The following NRROS variants were observed in gnomAD, a reference collection of about 807,000 sequenced individuals.
The protein encoded by NRROS is negative regulator of reactive oxygen species.
NRROS carries 6 observed loss-of-function variants against 12.0 expected under a neutral mutation model. That is an observed-to-expected ratio of 0.50 (90% CI 0.27 to 0.98). The LOEUF (loss-of-function observed/expected upper bound fraction) is 0.98. Among genes scored for constraint, NRROS ranks in the 50% least tolerant of loss-of-function variants. NRROS has a pLI of 0.11. For missense variants in NRROS, 857 were observed against 888.2 expected (o/e 0.96, Z 0.45); for synonymous variants, 462 against 410.2 (o/e 1.13, Z -1.53).
chr3:196,659,842 A>G lies in NRROS; in HGVS notation c.199A>G (p.Asn67Asp). The G allele has an allele frequency of 6.2e-7, 1 of 1,613,998 alleles. No homozygotes were observed. The highest frequency in any genetic ancestry group is 8.5e-7 in the Non-Finnish European group (1 of 1,179,948). ...CGCCCGGATGCTCACCCTGGATGCC[A>G]ACCCTCTCAAGACCCTGTGGAATCA... ...PHARMLTLDANPLKTLWNHSL... is the reference protein window; with the variant it reads ...PHARMLTLDADPLKTLWNHSL... The change falls in exon 3 of 3, where the codon AAC becomes GAC. Residue 67 changes from asparagine (N) to aspartate (D), a missense_variant. Asn to Asp is a conservative substitution (Grantham distance 23). Coordinates refer to ENST00000328557, the MANE Select transcript of NRROS (RefSeq NM_198565.3).
intron 2 of NRROS, among the ~76,000 whole-genome samples, chr3:196,657,307 T>G (rs1375567419): frequency 6.6e-6 from 1 of 151,038 alleles, no homozygotes; most frequent in Non-Finnish European, 1.5e-5. Flanking sequence ...ATTGCAGAGG[T>G]GTGACCCACG....
In NRROS at chr3:196,661,933, G is replaced by A; in HGVS notation, c.*211G>A. 2.7e-6 allele frequency: 1 copy of A among 375,528 alleles called. No homozygotes were observed. Among genetic ancestry groups the A allele is most frequent in the Non-Finnish European group, 4.4e-6 (1 of 226,448 alleles). The allele number at this position is 375,528 out of a possible 1,614,324, so 23.3% of individuals were successfully genotyped here. On this transcript the variant is annotated 3_prime_UTR_variant, in exon 3 of 3. Transcript: ENST00000328557. ...CATTATAATTCATCCTCATTATCTT[G>A]GTAAAATATTTATTAAGTGACTTTT...
intron 1 of NRROS, among the ~76,000 whole-genome samples, chr3:196,650,606 A>G (rs143879771): frequency 3.2e-4 from 48 of 152,366 alleles, no homozygotes; most frequent in African/African-American, 1.1e-3. Context: ...TCTAAAACAA[A>G]GGAGACTCTT....
Position 196,661,485 on chromosome 3 carries a change from C to T in NRROS, c.1842C>T (p.Ala614=), listed in dbSNP as rs145748911. The T allele has an allele frequency of 4.7e-5, 75 of 1,606,850 alleles. No individual in the cohort carries two copies. In the African/African-American group the frequency reaches 7.6e-4, roughly 16 times the overall value. The change falls in exon 3 of 3, where the codon GCC becomes GCT. Residue 614 remains alanine, a synonymous_variant. Coordinates refer to ENST00000328557, the MANE Select transcript of NRROS (RefSeq NM_198565.3). ...CCCTGCAGCATGGGCAGACGGTGGC[C>T]GACTGGGCCATGGTCACCTGCAACC... The part of the protein sequence containing the change: ...WGALQHGQTV[A]DWAMVTCNLS...
chr3:196,653,105 C>T (rs973946955), intron 1 of NRROS, among the ~76,000 whole-genome samples: 3 of 152,116 alleles, frequency 2.0e-5, no homozygotes, highest in Admixed American at 6.6e-5. Flanking sequence ...GTCAGGAACC[C>T]GTACACCTCT....
At position 196,654,461 on chromosome 3, in the gene NRROS, G is replaced by A. The variant is rs1042476507; in HGVS notation, c.-13-66G>A. 14 of 945,706 alleles carry A rather than the reference G, an allele frequency of 1.5e-5. No individual in the cohort carries two copies. Among genetic ancestry groups the A allele is most frequent in the African/African-American group, 1.6e-5 (1 of 62,288 alleles). 58.6% of individuals were successfully genotyped at this position (945,706 alleles called of 1,614,324 possible). On this transcript the variant is annotated intron_variant, in intron 1 of 2. Coordinates refer to ENST00000328557, the MANE Select transcript of NRROS (RefSeq NM_198565.3). The surrounding 1 kb of genome is among the most constrained non-coding windows in gnomAD (Gnocchi z 4.4). ...AGAATTGGAACTGGCTCCTTCTGCC[G>A]ATAATACAAACAGCCCTCTGGGATG...
Position 196,643,359 on chromosome 3 carries a change from T to A in NRROS, c.-14+3484T>A, listed in dbSNP as rs139041401. On this transcript the variant is annotated intron_variant, in intron 1 of 2. Coordinates refer to ENST00000328557, the MANE Select transcript of NRROS (RefSeq NM_198565.3). ...GAAAGGAGGAAGTGGAACCTCGTCA[T>A]GGTCCTCACCCACGAGGTGGGCGCG... Among the ~76,000 whole-genome samples, 5 of 152,288 alleles carry A rather than the reference T, an allele frequency of 3.3e-5. No homozygotes were observed. In the South Asian group the frequency reaches 6.2e-4, roughly 19 times the overall value.
chr3:196,654,417 C>G lies in NRROS; in HGVS notation c.-13-110C>G, dbSNP rs563622863. On this transcript the variant is annotated intron_variant, in intron 1 of 2. Transcript: ENST00000328557. The surrounding 1 kb of genome is among the most constrained non-coding windows in gnomAD (Gnocchi z 4.4). The stretch of plus-strand genomic sequence containing the variant: ...TGGGCTGCACCTCTATGGAGCTCCA[C>G]AGAGCTCCAAGACCACATAGAATTG... 71 of 739,294 alleles carry G rather than the reference C, an allele frequency of 9.6e-5. 2 individuals carry two copies. In the South Asian group the frequency reaches 1.0e-3, roughly 11 times the overall value. The allele number at this position is 739,294 out of a possible 1,614,324, so 45.8% of individuals were successfully genotyped here. A position where few individuals can be genotyped will look rare whatever the true frequency, so the allele number is the denominator to read the frequency against.
At position 196,648,115 on chromosome 3, in the gene NRROS, T is replaced by C. The variant is rs147465788; in HGVS notation, c.-13-6412T>C. Among the ~76,000 whole-genome samples the C allele has an allele frequency of 3.1e-3, 469 of 152,342 alleles. 18 individuals carry two copies. The East Asian group carries it at 0.069, about 22-fold the overall frequency. ...TATGGGGACAGAGATTACCATAATT[T>C]AACATCTCTTTTCAGGAACACTTAT... On this transcript the variant is annotated intron_variant, in intron 1 of 2. Coordinates refer to ENST00000328557, the MANE Select transcript of NRROS (RefSeq NM_198565.3).
In NRROS at chr3:196,661,392, G is replaced by C. The variant is rs560844051; in HGVS notation, c.1749G>C (p.Ser583=). ...AGAAGGCTGTGTCTGAGCAGCTCTCGAGAGGTCTGCGGACCATCTACCTCA... is the reference window on the plus strand; with the variant it reads ...AGAAGGCTGTGTCTGAGCAGCTCTCCAGAGGTCTGCGGACCATCTACCTCA... ...LPQKAVSEQL[S]RGLRTIYLSQ... is the part of the protein sequence containing the mutation. Residue 583 remains serine, a synonymous_variant, in exon 3 of 3, where the codon TCG becomes TCC. Coordinates refer to ENST00000328557, the MANE Select transcript of NRROS (RefSeq NM_198565.3). The C allele has an allele frequency of 1.9e-6, 3 of 1,571,674 alleles. No homozygotes were observed. The highest frequency in any genetic ancestry group is 2.6e-6 in the Non-Finnish European group (3 of 1,156,404).
At chr3:196,653,778 GCT>G (rs1737479205) in intron 1 of NRROS, among the ~76,000 whole-genome samples, 1 of 152,078 alleles carries the variant, frequency 6.6e-6, no homozygotes, top group Middle Eastern at 3.2e-3. Flanking sequence ...TTCCCTTATG[GCT>G]CCCCTTAGTT....
chr3:196,660,116 C>G lies in NRROS; in HGVS notation c.473C>G (p.Ser158Trp), dbSNP rs1385358886. The change falls in exon 3 of 3, where the codon TCG becomes TGG. Residue 158 changes from serine (S) to tryptophan (W), a missense_variant. Coordinates refer to ENST00000328557, the MANE Select transcript of NRROS (RefSeq NM_198565.3). This position sits in a 1 kb window ranked among gnomAD's most constrained non-coding sequence, Gnocchi z 7.7. Reference sequence around the variant, plus strand: ...GCCCTCATGCTCCAGAACCTCTCCTCGCTGCGGTCCGTGTCCCTGGCGGGG... The same window carrying G: ...GCCCTCATGCTCCAGAACCTCTCCTGGCTGCGGTCCGTGTCCCTGGCGGGG... ...MAALMLQNLSSLRSVSLAGNT... is the reference protein window; with the variant it reads ...MAALMLQNLSWLRSVSLAGNT... 24 of 1,613,082 alleles carry G rather than the reference C, an allele frequency of 1.5e-5. No homozygotes were observed. The highest frequency in any genetic ancestry group is 1.9e-5 in the Non-Finnish European group (23 of 1,179,916).
chr3:196,641,805 A>G (rs1737214718), intron 1 of NRROS, among the ~76,000 whole-genome samples: 1 of 152,190 alleles, frequency 6.6e-6, no homozygotes, highest in Non-Finnish European at 1.5e-5. Context: ...TCTCGTATGG[A>G]CAATGACTGT....
chr3:196,643,946 G>A (rs1295417429), intron 1 of NRROS, among the ~76,000 whole-genome samples: 1 of 152,158 alleles, frequency 6.6e-6, no homozygotes, highest in African/African-American at 2.4e-5. Context: ...GGGGAGCAGG[G>A]CTTTCCCTGC....
chr3:196,650,200 T>C (rs1737395382), intron 1 of NRROS, among the ~76,000 whole-genome samples: 1 of 152,194 alleles, frequency 6.6e-6, no homozygotes, highest in South Asian at 2.1e-4. Context: ...CAGGTTGGAG[T>C]GCAATAGCGA....
chr3:196,654,697 G>T lies in NRROS; in HGVS notation c.108+50G>T, dbSNP rs1479806894. ...TGTCGGCTGCTCCTGTCCTGACAAG[G>T]CTTGGTCCATTTGGAAAGCTGACAG... On this transcript the variant is annotated intron_variant, in intron 2 of 2. Coordinates refer to ENST00000328557, the MANE Select transcript of NRROS (RefSeq NM_198565.3). The surrounding 1 kb of genome is among the most constrained non-coding windows in gnomAD (Gnocchi z 4.4). 2.5e-6 allele frequency: 3 copies of T among 1,176,772 alleles called. No homozygotes were observed. The highest frequency in any genetic ancestry group is 1.4e-5 in the South Asian group (1 of 73,712). The allele number at this position is 1,176,772 out of a possible 1,614,324, so 72.9% of individuals were successfully genotyped here. A position where few individuals can be genotyped will look rare whatever the true frequency, so the allele number is the denominator to read the frequency against.
Position 196,661,067 on chromosome 3 carries a change from G to A in NRROS, c.1424G>A (p.Gly475Glu). Residue 475 changes from glycine (G) to glutamate (E), a missense_variant, in exon 3 of 3, where the codon GGG becomes GAG. Transcript: ENST00000328557. Reference protein sequence around the residue: ...RSLSLEGCGLGALPDCPFQGT... With the variant: ...RSLSLEGCGLEALPDCPFQGT... Reference sequence around the variant, plus strand: ...CTGTCTCTGGAGGGCTGTGGCCTGGGGGCATTGCCAGACTGCCCATTCCAA... The same window carrying A: ...CTGTCTCTGGAGGGCTGTGGCCTGGAGGCATTGCCAGACTGCCCATTCCAA... 6.2e-7 allele frequency: 1 copy of A among 1,614,128 alleles called. No homozygotes were observed. Among genetic ancestry groups the A allele is most frequent in the Non-Finnish European group, 8.5e-7 (1 of 1,180,032 alleles).
rs558865617 is a variant in NRROS, at chr3:196,645,818, C to T, written c.-14+5943C>T. ...CGTGGACCCTGGGTGCTCGCTTCTCCCCTGGACATCCCAGGGTCCACACGC... is the reference window on the plus strand; with the variant it reads ...CGTGGACCCTGGGTGCTCGCTTCTCTCCTGGACATCCCAGGGTCCACACGC... On this transcript the variant is annotated intron_variant, in intron 1 of 2. Coordinates refer to ENST00000328557, the MANE Select transcript of NRROS (RefSeq NM_198565.3). 1.2e-4 allele frequency among the ~76,000 whole-genome samples: 18 copies of T among 152,296 alleles called. No homozygotes were observed. In the South Asian group the frequency reaches 3.7e-3, roughly 32 times the overall value.
intron 1 of NRROS, among the ~76,000 whole-genome samples, chr3:196,642,217 A>G (rs1737222326): frequency 6.6e-6 from 1 of 152,094 alleles, no homozygotes; most frequent in Non-Finnish European, 1.5e-5. Context: ...ACCCGAGTTC[A>G]AGAATCAGAT....
Sources: gnomAD v4.1 joint callset for allele counts (sites outside exome capture counted in the v4.1 genomes callset) on GRCh38, gnomAD v4.1.1 for gene constraint, Gnocchi (gnomAD v3.1) non-coding constraint, MANE v1.5 for transcripts, NCBI Gene and HGNC (gene_info 2026-07-23, HGNC 2026-07-21) for gene names.